Variants in FRY observed in about 807,000 individuals in gnomAD.
FRY encodes protein furry homolog.
In FRY, 128 loss-of-function variants were observed where a neutral mutation model predicts 348.4. The observed-to-expected ratio is 0.37, with a 90% CI of 0.32 to 0.43. The LOEUF (loss-of-function observed/expected upper bound fraction) is 0.43, where lower values mean the gene tolerates loss of function less well. Ranked by LOEUF, FRY falls within the 20% of genes least tolerant of loss-of-function variation. The probability of loss-of-function intolerance (pLI) is 1.00; values close to 1 mark genes in which losing one functional copy is unlikely to be tolerated. For synonymous variants in FRY, 1,370 were observed against 1,374.7 expected (o/e 1.00, Z 0.08); for missense variants, 2,736 against 3,695.2 (o/e 0.74, Z 6.73).
chr13:32,258,485 C>T (rs923872962), intron 51 of FRY, among the ~76,000 whole-genome samples: 7 of 152,032 alleles, frequency 4.6e-5, no homozygotes, highest in Admixed American at 6.6e-5. Flanking sequence ...TGGAGGTGCA[C>T]GCCTGTAATC....
intron 1 of FRY, among the ~76,000 whole-genome samples, chr13:32,041,600 G>C (rs2138364151): frequency 1.3e-5 from 2 of 152,226 alleles, no homozygotes; most frequent in East Asian, 3.9e-4. Flanking sequence ...AGCTTCCTTA[G>C]GGAGTTTTGA....
At chr13:32,274,626 C>T (rs943812903) in intron 55 of FRY, among the ~76,000 whole-genome samples, 5 of 142,342 alleles carry the variant, frequency 3.5e-5, no homozygotes, top group African/African-American at 1.3e-4. Flanking sequence ...ATGGCGTGAA[C>T]CTGGGAGGGG....
chr13:32,179,887 T>C, intron 23 of FRY, 88 bp downstream of exon 23: 1 of 1,319,972 alleles, frequency 7.6e-7, no homozygotes, highest in East Asian at 2.3e-5. Context: ...GTCTGTGTGT[T>C]GGCGTGTGCC....
chr13:32,276,379 C>G lies in FRY; in HGVS notation c.8287-85C>G, dbSNP rs1002762434. The G allele has an allele frequency of 7.0e-5, 56 of 804,960 alleles. No homozygotes were observed. In the African/African-American group the frequency reaches 8.9e-4, roughly 13 times the overall value. The allele number at this position is 804,960 out of a possible 1,614,324, so 49.9% of individuals were successfully genotyped here. A position where few individuals can be genotyped will look rare whatever the true frequency, so the allele number is the denominator to read the frequency against. The stretch of plus-strand genomic sequence containing the variant: ...ACACTTGTACCCCTTAACAGCACTT[C>G]TAAATATACTTCTGTTTTCTGTGTA... On this transcript the variant is annotated intron_variant, in intron 56 of 60. Coordinates refer to ENST00000542859, the MANE Select transcript of FRY (RefSeq NM_023037.3).
intron 1 of FRY, among the ~76,000 whole-genome samples, chr13:32,076,006 T>A (rs389831): frequency 0.68 from 103,502 of 152,086 alleles, 35,416 homozygotes; most frequent in Non-Finnish European, 0.69. Context: ...GCTTTGAAGT[T>A]CAGGTGAATA....
intron 4 of FRY, among the ~76,000 whole-genome samples, chr13:32,122,193 C>A (rs1162671865): frequency 6.6e-6 from 1 of 152,148 alleles, no homozygotes; most frequent in African/African-American, 2.4e-5. Flanking sequence ...CCTGTAATCC[C>A]AGCACTTTGG....
At chr13:32,148,864 G>A (rs1880623436) in intron 13 of FRY, among the ~76,000 whole-genome samples, 1 of 152,122 alleles carries the variant, frequency 6.6e-6, no homozygotes, top group Non-Finnish European at 1.5e-5. Context: ...CAATGAAATA[G>A]TTCTGTAATA....
At chr13:32,276,671 C>T in intron 57 of FRY, 109 bp downstream of exon 57, 1 of 746,770 alleles carries the variant, frequency 1.3e-6, no homozygotes, top group Non-Finnish European at 2.5e-6. Flanking sequence ...CAGACTTCAT[C>T]TTTTCCTTTG....
intron 29 of FRY, among the ~76,000 whole-genome samples, chr13:32,201,502 C>G (rs1031180331): frequency 1.3e-5 from 2 of 152,156 alleles, no homozygotes; most frequent in African/African-American, 4.8e-5. Flanking sequence ...TATGTTGTTC[C>G]TGATAGTTGT....
rs58440862 is a variant in FRY, at chr13:32,255,962, C to T, written c.7416+1568C>T. Among the ~76,000 whole-genome samples, 821 of 152,164 alleles carry T rather than the reference C, an allele frequency of 5.4e-3. 7 individuals carry two copies. Among genetic ancestry groups the T allele is most frequent in the African/African-American group, 0.019 (776 of 41,522 alleles). On this transcript the variant is annotated intron_variant, in intron 51 of 60. Transcript: ENST00000542859. The stretch of plus-strand genomic sequence containing the variant: ...GCAAGAGAGGCATCATTTCCTGTCT[C>T]GGCCAGAGAAAAATGTTATGTGAAA...
chr13:32,184,043 G>A (rs1226660508), intron 24 of FRY, among the ~76,000 whole-genome samples: 1 of 151,844 alleles, frequency 6.6e-6, no homozygotes, highest in Non-Finnish European at 1.5e-5. Context: ...GCCAGGTGTG[G>A]TGGTGCACGC....
chr13:32,137,248 C>G (rs1879780129), intron 11 of FRY, among the ~76,000 whole-genome samples: 1 of 152,146 alleles, frequency 6.6e-6, no homozygotes, highest in Admixed American at 6.5e-5. Flanking sequence ...TTATATGCAT[C>G]CATTGTCACA....
intron 18 of FRY, among the ~76,000 whole-genome samples, chr13:32,172,084 A>G (rs112618939): frequency 0.19 from 29,174 of 151,850 alleles, 3,237 homozygotes; most frequent in East Asian, 0.49. Context: ...GTGGATGTAG[A>G]TAGGATATGG....
At chr13:32,167,308 G>A (rs922986708) in intron 17 of FRY, among the ~76,000 whole-genome samples, 1 of 152,144 alleles carries the variant, frequency 6.6e-6, no homozygotes, top group Non-Finnish European at 1.5e-5. Flanking sequence ...CAAGATCAAG[G>A]TGTCAGCAGG....
chr13:32,171,848 T>C (rs960255455), intron 18 of FRY, among the ~76,000 whole-genome samples: 1 of 5,758 alleles, frequency 1.7e-4, no homozygotes, highest in African/African-American at 6.5e-4. Context: ...TGATTGCAAA[T>C]CTATTTGTAA....
chr13:32,083,945 C>T (rs747392360), intron 2 of FRY, among the ~76,000 whole-genome samples: 6 of 152,104 alleles, frequency 3.9e-5, no homozygotes, highest in Non-Finnish European at 5.9e-5. Flanking sequence ...ACAAACAGTC[C>T]TCTCCCTGGA....
At chr13:32,140,852 G>A (rs1240056390) in intron 11 of FRY, among the ~76,000 whole-genome samples, 1 of 152,068 alleles carries the variant, frequency 6.6e-6, no homozygotes, top group Non-Finnish European at 1.5e-5. Flanking sequence ...GTTTATTAAT[G>A]TTATCTTTAT....
In FRY at chr13:32,178,185, A is replaced by G. The variant is rs371952630; in HGVS notation, c.2430A>G (p.Leu810=). 1.2e-5 allele frequency: 19 copies of G among 1,614,096 alleles called. No individual in the cohort carries two copies. The highest frequency in any genetic ancestry group is 1.7e-5 in the Admixed American group (1 of 60,010). ...IHVAVSDSAT[L]PLTHNVDLQW... ...ACCTCTTATACCTACAGGCAACATT[A>G]CCACTCACCCACAATGTGGATCTGC... The change falls in exon 21 of 61, where the codon TTA becomes TTG. Residue 810 remains leucine, a synonymous_variant. Transcript: ENST00000542859.
At chr13:32,225,139 C>T (rs961073639) in intron 38 of FRY, 103 bp downstream of exon 38, 8 of 755,602 alleles carry the variant, frequency 1.1e-5, no homozygotes, top group African/African-American at 6.9e-5. Context: ...TGACTCATTT[C>T]GGGAATATTC....
Sources: allele counts gnomAD v4.1 joint callset (sites outside exome capture counted in the v4.1 genomes callset), GRCh38; gene constraint gnomAD v4.1.1; transcripts MANE v1.5; gene names NCBI Gene and HGNC (gene_info 2026-07-23, HGNC 2026-07-21).